The following GGCT variants were observed in gnomAD, a reference collection of about 807,000 sequenced individuals.
GGCT encodes cytochrome c-releasing factor 21.
A neutral mutation model predicts 22.1 loss-of-function variants in GGCT; 20 were observed. That is an observed-to-expected ratio of 0.91 (90% CI 0.64 to 1.32). The LOEUF is 1.32. Among genes scored for constraint, GGCT ranks in the 40% most tolerant of loss-of-function variants. GGCT has a pLI of 0.00. For synonymous variants in GGCT, 72 were observed against 78.4 expected (o/e 0.92, Z 0.43); for missense variants, 209 against 223.5 (o/e 0.94, Z 0.41).
rs1380121255 is a variant in GGCT, at chr7:30,500,637, T to C, written c.186A>G (p.Gln62=). 6.2e-7 allele frequency: 1 copy of C among 1,613,954 alleles called. No homozygotes were observed. Among genetic ancestry groups the C allele is most frequent in the South Asian group, 1.1e-5 (1 of 91,058 alleles). ...TGGTGGCTATCCCTCCATGCCAAGT[T>C]TGACTTGTTTTGCCTTGGGAATTGC... ...DFGNSQGKTS[Q]TWHGGIATIF... Residue 62 remains glutamine (Q), a synonymous_variant, in exon 2 of 4, where the codon CAA becomes CAG. Coordinates refer to ENST00000275428, the MANE Select transcript of GGCT (RefSeq NM_024051.4).
chr7:30,500,396 C>T (rs1789671776), intron 2 of GGCT, 140 bp downstream of exon 2: 4 of 568,714 alleles, frequency 7.0e-6, no homozygotes, highest in Non-Finnish European at 1.2e-5. Context: ...CATTATCATG[C>T]CTTTTATGTT....
rs374684599 is a variant in GGCT, at chr7:30,497,269, C to T, written c.424-34G>A. 159 of 1,547,202 alleles carry T rather than the reference C, an allele frequency of 1.0e-4. 1 individual carries two copies. The African/African-American group carries it at 1.9e-3, about 18-fold the overall frequency. On this transcript the variant is annotated intron_variant, in intron 3 of 3. Coordinates refer to ENST00000275428, the MANE Select transcript of GGCT (RefSeq NM_024051.4). The stretch of plus-strand genomic sequence containing the variant: ...GGTTAAAACAAACAGACAAAAAAAC[C>T]CTTTCAGTTAGGAATATAATTTAAC...
At chr7:30,497,975 C>G (rs972453115) in intron 3 of GGCT, 11 of 533,740 alleles carry the variant, frequency 2.1e-5, no homozygotes, top group Non-Finnish European at 2.7e-5. Flanking sequence ...TCATAAAATA[C>G]TGTGTTACGG....
Position 30,504,752 on chromosome 7 carries a change from G to A in GGCT, c.-43C>T. 1.9e-6 allele frequency: 3 copies of A among 1,603,690 alleles called. No individual in the cohort carries two copies. Among genetic ancestry groups the A allele is most frequent in the Non-Finnish European group, 1.7e-6 (2 of 1,171,318 alleles). ...CACTGGAGCCTGAAGCAGAGTGTAA[G>A]GAACGGCCAGAGAGCGCAACACTGG... On this transcript the variant is annotated 5_prime_UTR_variant, in exon 1 of 4. Coordinates refer to ENST00000275428, the MANE Select transcript of GGCT (RefSeq NM_024051.4).
At chr7:30,503,947 G>T (rs975836692) in intron 1 of GGCT, among the ~76,000 whole-genome samples, 1 of 152,030 alleles carries the variant, frequency 6.6e-6, no homozygotes, top group South Asian at 2.1e-4. Context: ...AGAGTTCCTC[G>T]AAACAGCCAC....
chr7:30,499,837 T>TG (rs1455685535), intron 2 of GGCT, among the ~76,000 whole-genome samples: 1 of 93,424 alleles, frequency 1.1e-5, no homozygotes, highest in African/African-American at 2.7e-5. Flanking sequence ...CAATATAGTT[T>TG]GTTTTTTTTT....
intron 1 of GGCT, among the ~76,000 whole-genome samples, chr7:30,501,572 C>G (rs188769086): frequency 4.2e-4 from 64 of 152,182 alleles, no homozygotes; most frequent in Admixed American, 2.1e-3. Context: ...CAGAGGTGGG[C>G]AATCAGGGGA....
Position 30,497,185 on chromosome 7 carries a change from C to T in GGCT, c.474G>A (p.Glu158=). Residue 158 remains glutamate, a synonymous_variant, in exon 4 of 4, where the codon GAG becomes GAA. Coordinates refer to ENST00000275428, the MANE Select transcript of GGCT (RefSeq NM_024051.4). ...KENGLPLEYQ[E]KLKAIEPNDY... ...CATTTGGTTCTATTGCTTTTAACTT[C>T]TCTTGATACTCCAGCGGCAAACCAT... The T allele has an allele frequency of 6.2e-7, 1 of 1,611,712 alleles. No homozygotes were observed. The highest frequency in any genetic ancestry group is 8.5e-7 in the Non-Finnish European group (1 of 1,178,444).
At chr7:30,504,077 C>T (rs1789767418) in intron 1 of GGCT, among the ~76,000 whole-genome samples, 1 of 152,150 alleles carries the variant, frequency 6.6e-6, no homozygotes, top group Non-Finnish European at 1.5e-5. Context: ...CATGCAGCCC[C>T]TTGACCTAAC....
chr7:30,499,271 G>T (rs542297345), intron 2 of GGCT, among the ~76,000 whole-genome samples: 3 of 151,950 alleles, frequency 2.0e-5, no homozygotes, highest in South Asian at 2.1e-4. Context: ...GCCGGGCGTG[G>T]TGGTGGGCGC....
chr7:30,498,006 C>CATATATGTATAT (rs1789595585), intron 3 of GGCT: 1 of 184,882 alleles, frequency 5.4e-6, no homozygotes, highest in Non-Finnish European at 1.1e-5. Context: ...ATTACAAAAG[C>CATATATGTATAT]ATATATATAT....
chr7:30,497,884 T>C (rs767021635), intron 3 of GGCT: 27 of 1,441,416 alleles, frequency 1.9e-5, no homozygotes, highest in South Asian at 3.0e-5. Context: ...CAGTGTGACG[T>C]TTCTTTCTCC....
chr7:30,497,832 T>C (rs763652057), intron 3 of GGCT: 4 of 1,452,470 alleles, frequency 2.8e-6, no homozygotes, highest in South Asian at 1.4e-5. Flanking sequence ...TCCCACATTC[T>C]TGTCTTGTGC....
chr7:30,500,384 C>T, intron 2 of GGCT, 152 bp downstream of exon 2: 1 of 534,990 alleles, frequency 1.9e-6, no homozygotes, highest in Non-Finnish European at 3.2e-6. Context: ...TTAGCAAACT[C>T]ACATTATCAT....
chr7:30,504,767 C>G lies in GGCT; in HGVS notation c.-58G>C, dbSNP rs539930806. On this transcript the variant is annotated 5_prime_UTR_variant, in exon 1 of 4. Coordinates refer to ENST00000275428, the MANE Select transcript of GGCT (RefSeq NM_024051.4). ...CAGAGTGTAAGGAACGGCCAGAGAG[C>G]GCAACACTGGGGCCCACTACCCCGG... 3 of 1,562,766 alleles carry G rather than the reference C, an allele frequency of 1.9e-6. No individual in the cohort carries two copies. Among genetic ancestry groups the G allele is most frequent in the South Asian group, 1.1e-5 (1 of 89,668 alleles).
At chr7:30,501,517 C>G (rs1258006928) in intron 1 of GGCT, among the ~76,000 whole-genome samples, 1 of 152,162 alleles carries the variant, frequency 6.6e-6, no homozygotes, top group African/African-American at 2.4e-5. Context: ...GGTCTTGGAA[C>G]TAATAAGTAA....
At chr7:30,500,015 C>G (rs978359046) in intron 2 of GGCT, among the ~76,000 whole-genome samples, 1 of 152,180 alleles carries the variant, frequency 6.6e-6, no homozygotes, top group African/African-American at 2.4e-5. Flanking sequence ...TCAAGGCCTA[C>G]TCTTTTCTGC....
At chr7:30,503,434 T>C (rs1475830797) in intron 1 of GGCT, among the ~76,000 whole-genome samples, 1 of 152,114 alleles carries the variant, frequency 6.6e-6, no homozygotes, top group Admixed American at 6.5e-5. Flanking sequence ...AATCACGGCA[T>C]GGGTACGTGG....
rs542428434 is a variant in GGCT at position 30,504,701 on chromosome 7, G to A, written c.9C>T (p.Asn3=). 5.0e-6 allele frequency: 8 copies of A among 1,614,104 alleles called. No individual in the cohort carries two copies. In the South Asian group the frequency reaches 5.5e-5, roughly 11 times the overall value. ...GACCCGTGACGTCCTTGCAGCCCGA[G>A]TTGGCCATATCCCACTACGCCCCTG... MA[N]SGCKDVTGPD... is the part of the protein sequence containing the mutation. Residue 3 remains asparagine (N), a synonymous_variant, in exon 1 of 4, where the codon AAC becomes AAT. Coordinates refer to ENST00000275428, the MANE Select transcript of GGCT (RefSeq NM_024051.4).
Sources: gnomAD v4.1 joint callset for allele counts (sites outside exome capture counted in the v4.1 genomes callset) on GRCh38, gnomAD v4.1.1 for gene constraint, MANE v1.5 for transcripts, NCBI Gene and HGNC (gene_info 2026-07-23, HGNC 2026-07-21) for gene names.